INSYN2A: variants seen among roughly 807,000 people sequenced by gnomAD.
INSYN2A encodes inhibitory synaptic factor 2A.
INSYN2A carries 17 observed loss-of-function variants against 39.4 expected under a neutral mutation model. That is an observed-to-expected ratio of 0.43 (90% CI 0.30 to 0.65). The LOEUF (loss-of-function observed/expected upper bound fraction) is 0.65, where lower values mean the gene tolerates loss of function less well. Ranked by LOEUF, INSYN2A falls within the 30% of genes least tolerant of loss-of-function variation. The pLI is 0.14. For synonymous variants in INSYN2A, 255 were observed against 265.7 expected (o/e 0.96, Z 0.39); for missense variants, 595 against 631.2 (o/e 0.94, Z 0.61).
intron 2 of INSYN2A, among the ~76,000 whole-genome samples, chr10:127,186,132 A>G (rs1479347827): frequency 6.6e-6 from 1 of 152,176 alleles, no homozygotes; most frequent in Admixed American, 6.5e-5. Context: ...GAAAAAAACA[A>G]TAGAGGGTCT....
chr10:127,185,581 G>A (rs1038004346), intron 2 of INSYN2A, among the ~76,000 whole-genome samples: 6 of 152,206 alleles, frequency 3.9e-5, no homozygotes, highest in Non-Finnish European at 8.8e-5. Flanking sequence ...TAGGATGAGT[G>A]TACAATATTA....
chr10:127,181,401 C>T (rs906590854), intron 2 of INSYN2A, among the ~76,000 whole-genome samples: 5 of 152,104 alleles, frequency 3.3e-5, no homozygotes, highest in Non-Finnish European at 7.3e-5. Flanking sequence ...TTAAAATGTC[C>T]GTGCTGATTT....
chr10:127,154,084 T>C (rs947159491), intron 4 of INSYN2A, among the ~76,000 whole-genome samples, 161 bp from the exon 5 acceptor site: 2 of 152,230 alleles, frequency 1.3e-5, no homozygotes, highest in Non-Finnish European at 2.9e-5. Flanking sequence ...TCTGCTTTCG[T>C]TGTACAAAAC....
At chr10:127,164,089 C>T (rs568823763) in intron 4 of INSYN2A, among the ~76,000 whole-genome samples, 3 of 149,622 alleles carry the variant, frequency 2.0e-5, no homozygotes, top group South Asian at 2.1e-4. Flanking sequence ...TCCCAGGGGA[C>T]GCAGGGGTCA....
At chr10:127,193,919 G>C (rs1012065544) in intron 1 of INSYN2A, among the ~76,000 whole-genome samples, 1 of 152,100 alleles carries the variant, frequency 6.6e-6, no homozygotes, top group Non-Finnish European at 1.5e-5. Flanking sequence ...GAGCTTCCCA[G>C]CTTTTGCCTT....
At chr10:127,143,618 T>C (rs769010434) in intron 5 of INSYN2A, among the ~76,000 whole-genome samples, 23 of 152,308 alleles carry the variant, frequency 1.5e-4, no homozygotes, top group Middle Eastern at 3.4e-3. Flanking sequence ...GCACAACAAT[T>C]TATGTCAACT....
At chr10:127,150,059 A>G (rs2052337689) in intron 5 of INSYN2A, among the ~76,000 whole-genome samples, 1 of 152,188 alleles carries the variant, frequency 6.6e-6, no homozygotes. Context: ...GTAAGTTTGC[A>G]TGGGAGAACA....
intron 4 of INSYN2A, among the ~76,000 whole-genome samples, chr10:127,165,229 G>T (rs1341675403): frequency 3.3e-5 from 5 of 152,148 alleles, no homozygotes; most frequent in Non-Finnish European, 5.9e-5. Context: ...TTCTTTTGAT[G>T]TGTGTTTTTA....
chr10:127,192,373 G>A (rs1475628683), intron 2 of INSYN2A, among the ~76,000 whole-genome samples: 1 of 152,194 alleles, frequency 6.6e-6, no homozygotes, highest in East Asian at 1.9e-4. Flanking sequence ...CCTAATATCT[G>A]CTGTTCTACA....
chr10:127,140,164 C>T (rs927399691), intron 5 of INSYN2A, among the ~76,000 whole-genome samples: 4 of 152,290 alleles, frequency 2.6e-5, no homozygotes, highest in South Asian at 2.1e-4. Flanking sequence ...AGTACAATTT[C>T]GGCTACCTGT....
chr10:127,141,876 A>G (rs746127723), intron 5 of INSYN2A, among the ~76,000 whole-genome samples: 1 of 152,090 alleles, frequency 6.6e-6, no homozygotes, highest in Non-Finnish European at 1.5e-5. Context: ...GTTCTATTCT[A>G]TCAGAACTTA....
In INSYN2A at chr10:127,175,532, C is replaced by T. The variant is rs1326214245; in HGVS notation, c.864G>A (p.Arg288=). ...GCCCGTTGAGATGTGTGGCTCTCCTCCGCTCGTCATCTGCCGGGCAGAGTG... is the reference window on the plus strand; with the variant it reads ...GCCCGTTGAGATGTGTGGCTCTCCTTCGCTCGTCATCTGCCGGGCAGAGTG... ...QWSLCPADDE[R]RRATHLNGLQ... is the part of the protein sequence containing the mutation. Residue 288 remains arginine, a synonymous_variant, in exon 4 of 6, where the codon CGG becomes CGA. Transcript: ENST00000522781. The surrounding 1 kb of genome is among the most constrained non-coding windows in gnomAD (Gnocchi z 6.3). The T allele has an allele frequency of 1.2e-6, 2 of 1,610,286 alleles. No individual in the cohort carries two copies. The highest frequency in any genetic ancestry group is 2.2e-5 in the East Asian group (1 of 44,874).
chr10:127,153,884 G>C lies in INSYN2A; in HGVS notation c.1224C>G (p.Asp408Glu). 1 of 1,613,832 alleles carries C rather than the reference G, an allele frequency of 6.2e-7. No homozygotes were observed. Among genetic ancestry groups the C allele is most frequent in the Non-Finnish European group, 8.5e-7 (1 of 1,179,716 alleles). The change falls in exon 5 of 6, where the codon GAC (aspartate) becomes GAG (glutamate). Residue 408 changes from aspartate (D) to glutamate (E), a missense_variant. This residue lies in a region of INSYN2A where 117 missense variants were observed against 163.8 expected (regional missense o/e 0.71). Coordinates refer to ENST00000522781, the MANE Select transcript of INSYN2A (RefSeq NM_001039762.3). ...YRTGQDTANC[D>E]TCRNSACIIY... Reference sequence around the variant, plus strand: ...TAATACATGCACTGTTCCTGCATGTGTCACAATTAGCTGTGTCTTGCCCCG... The same window carrying C: ...TAATACATGCACTGTTCCTGCATGTCTCACAATTAGCTGTGTCTTGCCCCG...
intron 2 of INSYN2A, 91 bp downstream of exon 2, chr10:127,192,514 C>T (rs2056829618): frequency 6.6e-6 from 1 of 152,190 alleles, no homozygotes; most frequent in Non-Finnish European, 1.5e-5. Flanking sequence ...CATCTTTATA[C>T]ACCTCAAAGT....
chr10:127,182,137 A>G (rs1203454051), intron 2 of INSYN2A, among the ~76,000 whole-genome samples: 1 of 152,086 alleles, frequency 6.6e-6, no homozygotes, highest in Non-Finnish European at 1.5e-5. Context: ...CTCGATGTGT[A>G]GAATATTGCA....
intron 2 of INSYN2A, among the ~76,000 whole-genome samples, chr10:127,179,157 A>G (rs1033483358): frequency 3.9e-5 from 6 of 152,224 alleles, no homozygotes; most frequent in African/African-American, 1.4e-4. Context: ...CTGCCATGCT[A>G]TTCATCATCA....
chr10:127,140,508 G>A (rs897831089), intron 5 of INSYN2A, among the ~76,000 whole-genome samples: 7 of 152,176 alleles, frequency 4.6e-5, no homozygotes, highest in Admixed American at 6.5e-5. Context: ...GTGGGATGAC[G>A]CCCGTGCACC....
intron 5 of INSYN2A, among the ~76,000 whole-genome samples, chr10:127,152,348 G>A (rs1192622428): frequency 6.6e-6 from 1 of 152,222 alleles, no homozygotes; most frequent in East Asian, 1.9e-4. Flanking sequence ...CTATCATTGA[G>A]TTTCTAATTT....
intron 5 of INSYN2A, among the ~76,000 whole-genome samples, chr10:127,140,028 G>T (rs115456269): frequency 1.8e-3 from 270 of 152,248 alleles, no homozygotes; most frequent in African/African-American, 6.1e-3. Flanking sequence ...GTATAGAAGC[G>T]TAATTCTACC....
Sources: gnomAD v4.1 joint callset for allele counts (sites outside exome capture counted in the v4.1 genomes callset) on GRCh38, gnomAD v4.1.1 for gene constraint, gnomAD v4.1.1 regional missense constraint, Gnocchi (gnomAD v3.1) non-coding constraint, MANE v1.5 for transcripts, NCBI Gene and HGNC (gene_info 2026-07-23, HGNC 2026-07-21) for gene names.